Variants in KIF5C observed in about 807,000 individuals in gnomAD.
KIF5C encodes kinesin heavy chain isoform 5C.
A neutral mutation model predicts 125.2 loss-of-function variants in KIF5C; 18 were observed. That is an observed-to-expected ratio of 0.14 (90% CI 0.10 to 0.21). The LOEUF is 0.21. Ranked by LOEUF, KIF5C falls within the 10% of genes least tolerant of loss-of-function variation. The pLI is 1.00. For missense variants in KIF5C, 780 were observed against 1,183.8 expected (o/e 0.66, Z 5.01); for synonymous variants, 405 against 434.0 (o/e 0.93, Z 0.83).
At chr2:148,887,176 TTGAAA>T (rs1681551507) in intron 1 of KIF5C, among the ~76,000 whole-genome samples, 1 of 152,194 alleles carries the variant, frequency 6.6e-6, no homozygotes, top group South Asian at 2.1e-4. Flanking sequence ...TCATTACATG[TTGAAA>T]TGATAGTATT....
intron 16 of KIF5C, 136 bp from the exon 17 acceptor site, chr2:148,994,285 G>T (rs868624117): frequency 4.9e-5 from 59 of 1,203,696 alleles, no homozygotes; most frequent in Middle Eastern, 5.3e-4. Context: ...AGGGTAAAAT[G>T]GGCACCATTT....
At chr2:148,893,738 AAATGAATG>A (rs555774021) in intron 1 of KIF5C, among the ~76,000 whole-genome samples, 5 of 152,186 alleles carry the variant, frequency 3.3e-5, no homozygotes, top group South Asian at 4.1e-4. Context: ...ATACATGATA[AAATGAATG>A]AATGAATGAA....
intron 1 of KIF5C, chr2:148,877,188 C>G (rs569571520): frequency 5.9e-5 from 9 of 152,370 alleles, no homozygotes; most frequent in Middle Eastern, 3.4e-3. Context: ...GCTAGAGGAG[C>G]CTGGGCAAGG....
chr2:149,026,386 T>C lies in KIF5C; in HGVS notation c.*3316T>C, dbSNP rs1682685566. ...AAAATTGTGTATCAGTTTTAAATAC[T>C]GTTCATTGTGTGCAGATATAAGGGG... On this transcript the variant is annotated 3_prime_UTR_variant, in exon 26 of 26. Coordinates refer to ENST00000435030, the MANE Select transcript of KIF5C (RefSeq NM_004522.3). The C allele has an allele frequency of 1.3e-5, 2 of 152,256 alleles. No individual in the cohort carries two copies. The highest frequency in any genetic ancestry group is 1.3e-4 in the Admixed American group (2 of 15,288). The allele number at this position is 152,256 out of a possible 1,614,324, so 9.4% of individuals were successfully genotyped here. A position where few individuals can be genotyped will look rare whatever the true frequency, so the allele number is the denominator to read the frequency against.
At chr2:148,942,872 T>C in intron 7 of KIF5C, 112 bp downstream of exon 7, 1 of 1,517,606 alleles carries the variant, frequency 6.6e-7, no homozygotes, top group Non-Finnish European at 8.9e-7. Context: ...GGGAAGGTGA[T>C]TAAAGAGCAG....
chr2:149,007,877 G>T, intron 22 of KIF5C, 86 bp from the exon 23 acceptor site: 1 of 1,340,614 alleles, frequency 7.5e-7, no homozygotes, highest in East Asian at 2.5e-5. Flanking sequence ...GTGGGAATGG[G>T]GATTTTTTTT....
In KIF5C at chr2:148,876,518, G is replaced by A. The variant is rs1412493064; in HGVS notation, c.126+775G>A. 6.6e-6 allele frequency among the ~76,000 whole-genome samples: 1 copy of A among 152,152 alleles called. No individual in the cohort carries two copies. The highest frequency in any genetic ancestry group is 1.5e-5 in the Non-Finnish European group (1 of 68,016). On this transcript the variant is annotated intron_variant, in intron 1 of 25. Coordinates refer to ENST00000435030, the MANE Select transcript of KIF5C (RefSeq NM_004522.3). The surrounding 1 kb of genome is among the most constrained non-coding windows in gnomAD (Gnocchi z 4.7). ...TGTGTCCACATCTGTGGGGCGAGGGGGCTCAGAGCGCAGTAGCCCCCTGTG... is the reference window on the plus strand; with the variant it reads ...TGTGTCCACATCTGTGGGGCGAGGGAGCTCAGAGCGCAGTAGCCCCCTGTG...
At chr2:148,947,880 C>T in intron 8 of KIF5C, 1 of 456,726 alleles carries the variant, frequency 2.2e-6, no homozygotes, top group South Asian at 1.5e-5. Context: ...TGGTCAGTCT[C>T]CCTAACTGTA....
chr2:148,927,533 T>G (rs1469871066), intron 2 of KIF5C, among the ~76,000 whole-genome samples: 19 of 152,094 alleles, frequency 1.2e-4, no homozygotes, highest in Admixed American at 1.3e-4. Flanking sequence ...GGTTAATTTC[T>G]AATAAATGGT....
intron 1 of KIF5C, among the ~76,000 whole-genome samples, chr2:148,894,907 C>T (rs1681799377): frequency 6.6e-6 from 1 of 151,016 alleles, no homozygotes; most frequent in Non-Finnish European, 1.5e-5. Flanking sequence ...CCCCTCTCCT[C>T]TCCCCAAGAA....
At chr2:148,980,190 T>G (rs1274251247) in intron 13 of KIF5C, among the ~76,000 whole-genome samples, 1 of 151,916 alleles carries the variant, frequency 6.6e-6, no homozygotes, top group Non-Finnish European at 1.5e-5. Context: ...GGTAGGGAGA[T>G]AATCTACACT....
chr2:148,981,591 C>G (rs1220757903), intron 14 of KIF5C, 30 bp downstream of exon 14: 1 of 1,552,298 alleles, frequency 6.4e-7, no homozygotes, highest in African/African-American at 1.4e-5. Context: ...GGGGGTGGGA[C>G]TTCCTTGGCT....
chr2:149,006,501 T>C (rs1682012705), intron 22 of KIF5C, among the ~76,000 whole-genome samples: 1 of 152,056 alleles, frequency 6.6e-6, no homozygotes, highest in African/African-American at 2.4e-5. Context: ...GGGAAGAGAA[T>C]GGGAAACCCA....
At chr2:148,877,074 C>T (rs527414995) in intron 1 of KIF5C, among the ~76,000 whole-genome samples, 1 of 152,342 alleles carries the variant, frequency 6.6e-6, no homozygotes, top group African/African-American at 2.4e-5. Context: ...TTTTCCAGCC[C>T]GGGCGGTCCC....
chr2:148,946,310 C>A (rs1168613295), intron 7 of KIF5C, among the ~76,000 whole-genome samples: 1 of 152,110 alleles, frequency 6.6e-6, no homozygotes, highest in Non-Finnish European at 1.5e-5. Flanking sequence ...GCTTGGCAGA[C>A]AAAGACGAGG....
chr2:148,945,646 A>C (rs887814829), intron 7 of KIF5C, among the ~76,000 whole-genome samples: 1 of 152,070 alleles, frequency 6.6e-6, no homozygotes, highest in Non-Finnish European at 1.5e-5. Context: ...GTTTTGGTGC[A>C]CCTATCACCC....
In KIF5C at chr2:149,023,134, C is replaced by T. The variant is rs181089553; in HGVS notation, c.*64C>T. ...ATTAATCACCAATTCCTTTATTTTT[C>T]CCCCCCTACAGTTTCCATTTTTTTT... On this transcript the variant is annotated 3_prime_UTR_variant, in exon 26 of 26. Coordinates refer to ENST00000435030, the MANE Select transcript of KIF5C (RefSeq NM_004522.3). 46 of 152,128 alleles carry T rather than the reference C, an allele frequency of 3.0e-4. No individual in the cohort carries two copies. The highest frequency in any genetic ancestry group is 2.5e-3 in the Admixed American group (38 of 15,274). The allele number at this position is 152,128 out of a possible 1,614,324, so 9.4% of individuals were successfully genotyped here.
At chr2:148,916,209 C>A (rs1408399709) in intron 1 of KIF5C, among the ~76,000 whole-genome samples, 3 of 152,162 alleles carry the variant, frequency 2.0e-5, no homozygotes, top group African/African-American at 7.2e-5. Flanking sequence ...GCAGGTCTGC[C>A]ATTTGTATTT....
chr2:148,931,126 TTACCAAACTATATATAA>T (rs879469838), intron 3 of KIF5C, among the ~76,000 whole-genome samples: 142 of 152,192 alleles, frequency 9.3e-4, no homozygotes, highest in African/African-American at 2.8e-3. Flanking sequence ...TTTTGTTTTA[TTACCAAACTATATATAA>T]TGCCAAACAA....
Sources: allele counts gnomAD v4.1 joint callset (sites outside exome capture counted in the v4.1 genomes callset), GRCh38; gene constraint gnomAD v4.1.1; non-coding constraint Gnocchi (gnomAD v3.1); transcripts MANE v1.5; gene names NCBI Gene and HGNC (gene_info 2026-07-23, HGNC 2026-07-21).